CFAP20DC: variants seen among roughly 807,000 people sequenced by gnomAD.
The protein encoded by CFAP20DC is CFAP20 domain containing.
CFAP20DC carries 84 observed loss-of-function variants against 101.7 expected under a neutral mutation model. That is an observed-to-expected ratio of 0.83 (90% CI 0.69 to 0.99). CFAP20DC has a LOEUF of 0.99. Among genes scored for constraint, CFAP20DC ranks in the 50% least tolerant of loss-of-function variants. The probability of loss-of-function intolerance (pLI) is 0.00; values close to 1 mark genes in which losing one functional copy is unlikely to be tolerated. For synonymous variants in CFAP20DC, 359 were observed against 351.2 expected (o/e 1.02, Z -0.25); for missense variants, 1,007 against 970.3 (o/e 1.04, Z -0.50).
chr3:58,816,369 A>C (rs1194775205), intron 14 of CFAP20DC, among the ~76,000 whole-genome samples: 3 of 152,124 alleles, frequency 2.0e-5, no homozygotes, highest in African/African-American at 7.2e-5. Context: ...CTGCATTTCC[A>C]TCTGAGGTAC....
downstream of CFAP20DC, among the ~76,000 whole-genome samples, chr3:58,716,718 T>C (rs778778312): frequency 3.6e-4 from 54 of 152,112 alleles, no homozygotes; most frequent in Non-Finnish European, 6.5e-4. Context: ...TCAGGTACCA[T>C]TGGGTCTGCT....
intron 3 of CFAP20DC, among the ~76,000 whole-genome samples, chr3:58,731,810 CATGATTA>C (rs2067651400): frequency 2.0e-5 from 3 of 152,252 alleles, no homozygotes; most frequent in Admixed American, 1.3e-4. Flanking sequence ...AGAAAGGCGC[CATGATTA>C]ATGCTCCATC....
At chr3:58,977,557 T>C (rs1405445215) in intron 4 of CFAP20DC, among the ~76,000 whole-genome samples, 1 of 152,066 alleles carries the variant, frequency 6.6e-6, no homozygotes, top group African/African-American at 2.4e-5. Flanking sequence ...GACAGGCAAA[T>C]ACTGGCCTTT....
At chr3:58,977,679 C>T (rs1190741850) in intron 4 of CFAP20DC, among the ~76,000 whole-genome samples, 1 of 149,888 alleles carries the variant, frequency 6.7e-6, no homozygotes, top group Non-Finnish European at 1.5e-5. Flanking sequence ...ATGGCCTATT[C>T]TCTGGTAAAA....
intron 14 of CFAP20DC, among the ~76,000 whole-genome samples, chr3:58,817,020 G>A (rs1575742377): frequency 6.6e-6 from 1 of 152,254 alleles, no homozygotes; most frequent in East Asian, 1.9e-4. Flanking sequence ...GCACCCCCCA[G>A]CAGCAGCACA....
In CFAP20DC at chr3:58,935,545, A is replaced by G. The variant is rs1022073177; in HGVS notation, c.393+2103T>C. Among the ~76,000 whole-genome samples the G allele has an allele frequency of 6.4e-4, 97 of 152,072 alleles. 1 individual carries two copies. The highest frequency in any genetic ancestry group is 6.3e-4 in the Non-Finnish European group (43 of 68,044). On this transcript the variant is annotated intron_variant, in intron 5 of 16. Transcript: ENST00000482387. ...ACTATACTACAAGGCTACAGTAACCAAAACAGCATGGTACTGGTACCAAAA... is the reference window on the plus strand; with the variant it reads ...ACTATACTACAAGGCTACAGTAACCGAAACAGCATGGTACTGGTACCAAAA...
At chr3:58,998,326 CTG>C (rs2093202477) in intron 4 of CFAP20DC, among the ~76,000 whole-genome samples, 1 of 152,192 alleles carries the variant, frequency 6.6e-6, no homozygotes, top group Non-Finnish European at 1.5e-5. Context: ...CTGTATATGA[CTG>C]TGGAGAATTT....
intron 7 of CFAP20DC, among the ~76,000 whole-genome samples, chr3:58,875,366 G>A (rs1372204349): frequency 6.6e-6 from 1 of 152,098 alleles, no homozygotes; most frequent in Non-Finnish European, 1.5e-5. Context: ...GTCAATATTT[G>A]TGCCTTTTGT....
rs1190869319 is a variant in CFAP20DC, at chr3:58,724,335, C to T, written c.198-6707G>A. 6.6e-6 allele frequency among the ~76,000 whole-genome samples: 1 copy of T among 152,092 alleles called. No individual in the cohort carries two copies. Among genetic ancestry groups the T allele is most frequent in the Non-Finnish European group, 1.5e-5 (1 of 68,026 alleles). On this transcript the variant is annotated intron_variant, in intron 3 of 3. Coordinates refer to the CFAP20DC transcript ENST00000486145. This position sits in a 1 kb window ranked among gnomAD's most constrained non-coding sequence, Gnocchi z 5.6. ...ATAAACTGGCCATAAAAATATGGGA[C>T]AATAAGTTGTGGAAAGCCACAAGAG...
intron 4 of CFAP20DC, among the ~76,000 whole-genome samples, chr3:58,988,869 G>A (rs1027829237): frequency 6.6e-6 from 1 of 152,088 alleles, no homozygotes; most frequent in Non-Finnish European, 1.5e-5. Flanking sequence ...AAGAAAAAAT[G>A]ATAATTTGCC....
At chr3:58,725,376 G>T (rs2067534370) in intron 3 of CFAP20DC, among the ~76,000 whole-genome samples, 1 of 152,148 alleles carries the variant, frequency 6.6e-6, no homozygotes, top group Admixed American at 6.5e-5. Context: ...CGGTTGTTGT[G>T]GCTATGGTTT....
chr3:58,777,044 G>A (rs2071398328), intron 15 of CFAP20DC, among the ~76,000 whole-genome samples: 1 of 149,486 alleles, frequency 6.7e-6, no homozygotes, highest in African/African-American at 2.5e-5. Context: ...TCCTAAGAAA[G>A]AGAGCTATTA....
intron 15 of CFAP20DC, among the ~76,000 whole-genome samples, chr3:58,790,765 T>C (rs1349562977): frequency 1.3e-5 from 2 of 152,166 alleles, no homozygotes; most frequent in African/African-American, 4.8e-5. Context: ...ATTGTGTTCA[T>C]TTTAGAGAAT....
intron 12 of CFAP20DC, among the ~76,000 whole-genome samples, chr3:58,858,944 T>C (rs2079041324): frequency 6.6e-6 from 1 of 152,188 alleles, no homozygotes; most frequent in Non-Finnish European, 1.5e-5. Context: ...AAAAAATAAT[T>C]TCTTCTTTGA....
At chr3:58,814,223 C>G (rs2074925787) in intron 14 of CFAP20DC, among the ~76,000 whole-genome samples, 1 of 151,868 alleles carries the variant, frequency 6.6e-6, no homozygotes, top group Non-Finnish European at 1.5e-5. Context: ...AATGCCCAAA[C>G]CTCTATTCCA....
At chr3:58,848,891 A>T (rs1168690393) in intron 13 of CFAP20DC, 141 bp downstream of exon 13, 1 of 1,058,760 alleles carries the variant, frequency 9.4e-7, no homozygotes, top group East Asian at 2.6e-5. Context: ...ACCAAACTAA[A>T]ACACATCAGA....
At position 58,729,400 on chromosome 3, in the gene CFAP20DC, TTG is replaced by T. The variant is rs896842596; in HGVS notation, c.198-11774_198-11773del. On this transcript the variant is annotated intron_variant, in intron 3 of 3. Transcript: ENST00000486145. This position sits in a 1 kb window ranked among gnomAD's most constrained non-coding sequence, Gnocchi z 4.4. The stretch of plus-strand genomic sequence containing the variant: ...TTAAATTTTATTAATATTTTGTGTC[TTG>T]TATACAGTAAAACAATTGATTTTTA... Among the ~76,000 whole-genome samples, 4 of 152,332 alleles carry T rather than the reference TTG, an allele frequency of 2.6e-5. No homozygotes were observed. The highest frequency in any genetic ancestry group is 2.6e-4 in the Admixed American group (4 of 15,308).
At chr3:59,039,803 A>T (rs1456861987) in intron 3 of CFAP20DC, among the ~76,000 whole-genome samples, 174 bp from the exon 4 acceptor site, 3 of 152,082 alleles carry the variant, frequency 2.0e-5, no homozygotes, top group Non-Finnish European at 4.4e-5. Context: ...AAAAAAATTG[A>T]TGAAAATAAA....
chr3:58,764,241 G>A (rs540745007), intron 15 of CFAP20DC, among the ~76,000 whole-genome samples: 69 of 152,260 alleles, frequency 4.5e-4, no homozygotes, highest in African/African-American at 1.4e-3. Context: ...AATGGAGGGC[G>A]CCCCTCCTCC....
Sources: allele counts gnomAD v4.1 joint callset (sites outside exome capture counted in the v4.1 genomes callset), GRCh38; gene constraint gnomAD v4.1.1; non-coding constraint Gnocchi (gnomAD v3.1); transcripts MANE v1.5; gene names NCBI Gene and HGNC (gene_info 2026-07-23, HGNC 2026-07-21).